The following PRR16 variants were observed in gnomAD, a reference collection of about 807,000 sequenced individuals.
PRR16 encodes protein Largen.
A neutral mutation model predicts 18.2 loss-of-function variants in PRR16; 6 were observed. That is an observed-to-expected ratio of 0.33 (90% CI 0.18 to 0.65). The LOEUF (loss-of-function observed/expected upper bound fraction) is 0.65. PRR16 is among the 30% of genes least tolerant of loss of function. PRR16 has a pLI of 0.74. For missense variants in PRR16, 412 were observed against 376.6 expected (o/e 1.09, Z -0.78); for synonymous variants, 151 against 147.8 (o/e 1.02, Z -0.16).
chr5:120,466,598 T>C (rs1195657261), intron 1 of PRR16, among the ~76,000 whole-genome samples: 3 of 152,214 alleles, frequency 2.0e-5, no homozygotes, highest in Middle Eastern at 3.2e-3. Flanking sequence ...AGTGAAATCT[T>C]CAACCTCCCT....
At chr5:120,763,697 T>C in the PRR16 span, among the ~76,000 whole-genome samples, 1 of 152,162 alleles carries the variant, frequency 6.6e-6, no homozygotes, top group Non-Finnish European at 1.5e-5. Context: ...ATGGGATTTC[T>C]TTCTCTTTGT....
chr5:120,505,508 G>A (rs894934873), intron 1 of PRR16, among the ~76,000 whole-genome samples: 1 of 152,118 alleles, frequency 6.6e-6, no homozygotes, highest in African/African-American at 2.4e-5. Flanking sequence ...TGAAATTCCA[G>A]AACTTGTTTC....
At chr5:120,744,765 G>C in the PRR16 span, among the ~76,000 whole-genome samples, 2 of 151,848 alleles carry the variant, frequency 1.3e-5, no homozygotes, top group Admixed American at 1.3e-4. Context: ...TCCCTTATCT[G>C]ACTTTTAGTC....
At chr5:120,521,367 A>G (rs998370423) in intron 1 of PRR16, among the ~76,000 whole-genome samples, 3 of 152,128 alleles carry the variant, frequency 2.0e-5, no homozygotes, top group African/African-American at 2.4e-5. Flanking sequence ...TTGATTTATT[A>G]CAATCGTTGT....
At chr5:120,662,482 T>G (rs532659833) in intron 1 of PRR16, among the ~76,000 whole-genome samples, 1 of 152,128 alleles carries the variant, frequency 6.6e-6, no homozygotes, top group African/African-American at 2.4e-5. Context: ...TTTATTCCCT[T>G]TTAATAAGTG....
the PRR16 span, among the ~76,000 whole-genome samples, chr5:120,768,841 A>G: frequency 6.6e-6 from 1 of 151,752 alleles, no homozygotes; most frequent in Non-Finnish European, 1.5e-5. Flanking sequence ...GACATTGCCT[A>G]CAGCTGTGGT....
chr5:120,707,232 G>A, the PRR16 span, among the ~76,000 whole-genome samples: 1 of 152,202 alleles, frequency 6.6e-6, no homozygotes, highest in Admixed American at 6.5e-5. Context: ...AAGAGCCTGA[G>A]GCTTGGAGGT....
chr5:120,604,145 T>C (rs895666683), intron 1 of PRR16, among the ~76,000 whole-genome samples: 5 of 152,024 alleles, frequency 3.3e-5, no homozygotes, highest in African/African-American at 1.2e-4. Context: ...TCTAACACCG[T>C]CAGTGGAGTT....
At chr5:120,679,090 C>G (rs1311131898) in intron 1 of PRR16, among the ~76,000 whole-genome samples, 1 of 152,104 alleles carries the variant, frequency 6.6e-6, no homozygotes, top group African/African-American at 2.4e-5. Flanking sequence ...ACTATAGCTT[C>G]CTTGTATACA....
chr5:120,595,845 C>G (rs1205406857), intron 1 of PRR16, among the ~76,000 whole-genome samples: 1 of 151,856 alleles, frequency 6.6e-6, no homozygotes, highest in East Asian at 1.9e-4. Context: ...TGACAGTAGT[C>G]TTATTTAGAA....
chr5:120,535,076 C>CGTGTGT (rs34220996), intron 1 of PRR16, among the ~76,000 whole-genome samples: 2,445 of 146,392 alleles, frequency 0.017, 24 homozygotes, highest in African/African-American at 0.021. Flanking sequence ...TCACTTTACA[C>CGTGTGT]GTGTGTGTGT....
At chr5:120,651,378 G>A (rs1755783375) in intron 1 of PRR16, among the ~76,000 whole-genome samples, 1 of 152,088 alleles carries the variant, frequency 6.6e-6, no homozygotes, top group Admixed American at 6.5e-5. Context: ...ATTGTTTTTG[G>A]TGTTTTAGAC....
intron 1 of PRR16, among the ~76,000 whole-genome samples, chr5:120,572,050 C>T (rs1028544210): frequency 2.6e-5 from 4 of 152,062 alleles, no homozygotes; most frequent in African/African-American, 4.8e-5. Flanking sequence ...ACAAGTATCC[C>T]GAAAGACCAG....
intron 1 of PRR16, among the ~76,000 whole-genome samples, chr5:120,495,419 G>C (rs1452175102): frequency 6.6e-6 from 1 of 152,040 alleles, no homozygotes. Context: ...AAATGGTATG[G>C]TATTTGCATA....
chr5:120,770,487 G>A, the PRR16 span, among the ~76,000 whole-genome samples: 11 of 151,838 alleles, frequency 7.2e-5, no homozygotes, highest in Admixed American at 2.6e-4. Context: ...AAAACATAAA[G>A]GGAAAAGCTT....
intron 1 of PRR16, among the ~76,000 whole-genome samples, chr5:120,548,042 A>G (rs1338560107): frequency 6.6e-6 from 1 of 152,118 alleles, no homozygotes; most frequent in African/African-American, 2.4e-5. Flanking sequence ...TTTGCTGGCA[A>G]TGACAGTGCT....
chr5:120,777,590 C>G, the PRR16 span, among the ~76,000 whole-genome samples: 4 of 148,536 alleles, frequency 2.7e-5, no homozygotes, highest in Non-Finnish European at 6.1e-5. Context: ...TTATCCAAAT[C>G]TACACTTGTC....
chr5:120,494,461 G>T (rs914173992), intron 1 of PRR16, among the ~76,000 whole-genome samples: 3 of 151,720 alleles, frequency 2.0e-5, no homozygotes, highest in African/African-American at 7.3e-5. Flanking sequence ...TTAAAATTTG[G>T]TTTTTCTTTT....
chr5:120,707,667 C>T, the PRR16 span, among the ~76,000 whole-genome samples: 3 of 152,132 alleles, frequency 2.0e-5, no homozygotes, highest in African/African-American at 7.2e-5. Context: ...TAGGAAATTT[C>T]CGTTTACCCT....
Sources: allele counts gnomAD v4.1 joint callset (sites outside exome capture counted in the v4.1 genomes callset), GRCh38; gene constraint gnomAD v4.1.1; transcripts MANE v1.5; gene names NCBI Gene and HGNC (gene_info 2026-07-23, HGNC 2026-07-21).